Variants in C19orf18 observed in about 807,000 individuals in gnomAD.
C19orf18 encodes uncharacterized protein C19orf18.
C19orf18 carries 21 observed loss-of-function variants against 23.3 expected under a neutral mutation model. The observed-to-expected ratio is 0.90, with a 90% CI of 0.64 to 1.30. The LOEUF (loss-of-function observed/expected upper bound fraction) is 1.30, where lower values mean the gene tolerates loss of function less well. Ranked by LOEUF, C19orf18 falls within the 50% of genes most tolerant of loss-of-function variation. The pLI, the probability that C19orf18 is intolerant of heterozygous loss-of-function variation, is 0.00. For missense variants in C19orf18, 249 were observed against 259.6 expected, an observed-to-expected ratio of 0.96 and a Z score of 0.28; for synonymous variants, 96 against 95.2, an observed-to-expected ratio of 1.01 and a Z score of -0.05.
intron 2 of C19orf18, 141 bp downstream of exon 2, chr19:57,973,958 T>C: frequency 2.5e-6 from 2 of 789,516 alleles, no homozygotes; most frequent in South Asian, 3.7e-5. Flanking sequence ...TAAGATCTAA[T>C]TTCCAAGCAA....
chr19:57,961,322 AAG>A, intron 5 of C19orf18, 67 bp downstream of exon 5: 1 of 1,454,352 alleles, frequency 6.9e-7, no homozygotes, highest in Non-Finnish European at 9.3e-7. Context: ...CTGAGAAAGA[AAG>A]AAAAGAAACG....
chr19:57,969,829 AT>A (rs1292634794), intron 3 of C19orf18, among the ~76,000 whole-genome samples: 1 of 149,942 alleles, frequency 6.7e-6, no homozygotes, highest in Non-Finnish European at 1.5e-5. Context: ...CTGAGATCGC[AT>A]CATTACACTC....
chr19:57,972,716 T>G (rs2072953405), intron 2 of C19orf18, among the ~76,000 whole-genome samples: 1 of 152,212 alleles, frequency 6.6e-6, no homozygotes. Flanking sequence ...GCTGTTCTTT[T>G]TGCACCTGGT....
intron 4 of C19orf18, among the ~76,000 whole-genome samples, chr19:57,963,124 T>G (rs1284855995): frequency 6.6e-6 from 1 of 151,260 alleles, no homozygotes; most frequent in Non-Finnish European, 1.5e-5. Flanking sequence ...CCTCCCAGGT[T>G]CAAGTGATTC....
chr19:57,971,141 G>GT (rs1273787475), intron 3 of C19orf18, among the ~76,000 whole-genome samples: 1 of 152,218 alleles, frequency 6.6e-6, no homozygotes, highest in Non-Finnish European at 1.5e-5. Flanking sequence ...TATTCATCAC[G>GT]TTTTTTATTT....
In C19orf18 at chr19:57,961,545, C is replaced by T. The variant is rs754955338; in HGVS notation, c.378G>A (p.Leu126=). ...GMAISYMIYR[L]AQAEERQQLE... ...GCTGTTGTCTTTCCTCAGCCTGTGC[C>T]AGTCGACTGGAGAATGATATAAATG... The change falls in exon 5 of 6, where the codon CTG becomes CTA. Residue 126 remains leucine (L), a synonymous_variant. Transcript: ENST00000314391. 1.2e-6 allele frequency: 2 copies of T among 1,611,310 alleles called. No homozygotes were observed. Among genetic ancestry groups the T allele is most frequent in the Non-Finnish European group, 1.7e-6 (2 of 1,179,358 alleles).
At chr19:57,959,390 AACAG>A (rs2072849731) in intron 5 of C19orf18, among the ~76,000 whole-genome samples, 1 of 152,166 alleles carries the variant, frequency 6.6e-6, no homozygotes, top group African/African-American at 2.4e-5. Context: ...TGGGAGGCTG[AACAG>A]GGCGGATCAC....
chr19:57,966,713 G>C, intron 3 of C19orf18, 81 bp from the exon 4 acceptor site: 1 of 896,780 alleles, frequency 1.1e-6, no homozygotes, highest in Non-Finnish European at 1.7e-6. Flanking sequence ...TGTCCTTACA[G>C]AGGGGAATGG....
chr19:57,972,649 T>G, intron 2 of C19orf18, 145 bp from the exon 3 acceptor site: 2 of 851,562 alleles, frequency 2.3e-6, no homozygotes, highest in Non-Finnish European at 3.6e-6. Flanking sequence ...TGTTAATACA[T>G]TCCTCCCAAT....
intron 4 of C19orf18, among the ~76,000 whole-genome samples, 162 bp from the exon 5 acceptor site, chr19:57,961,713 T>C (rs1198022661): frequency 6.6e-6 from 1 of 152,052 alleles, no homozygotes; most frequent in African/African-American, 2.4e-5. Flanking sequence ...ACTGTCTACA[T>C]GGTCAGGCCA....
At chr19:57,973,258 A>C (rs753991434) in intron 2 of C19orf18, among the ~76,000 whole-genome samples, 1 of 151,502 alleles carries the variant, frequency 6.6e-6, no homozygotes, top group African/African-American at 2.4e-5. Flanking sequence ...ATTACATGCA[A>C]ATGTATCACA....
intron 3 of C19orf18, among the ~76,000 whole-genome samples, chr19:57,969,553 TTAAAAAAAAACAGAAAAA>T: frequency 1.3e-5 from 1 of 78,198 alleles, no homozygotes; most frequent in East Asian, 3.6e-4. Context: ...AGACTCTGTC[TTAAAAAAAAACAGAAAAA>T]AAAAAAAAAA....
intron 3 of C19orf18, among the ~76,000 whole-genome samples, chr19:57,970,507 T>C (rs1002443111): frequency 2.0e-5 from 3 of 152,194 alleles, no homozygotes; most frequent in Admixed American, 1.3e-4. Context: ...TTAATCATAT[T>C]TGTCGAACTT....
intron 2 of C19orf18, among the ~76,000 whole-genome samples, chr19:57,972,789 C>G (rs1367580262): frequency 6.6e-6 from 1 of 152,084 alleles, no homozygotes; most frequent in Non-Finnish European, 1.5e-5. Flanking sequence ...TCTCCTTTTG[C>G]AGTCATACAA....
Position 57,974,394 on chromosome 19 carries a change from C to A in C19orf18, c.39G>T (p.Leu13Phe). 1 of 1,613,406 alleles carries A rather than the reference C, an allele frequency of 6.2e-7. No homozygotes were observed. The highest frequency in any genetic ancestry group is 8.5e-7 in the Non-Finnish European group (1 of 1,179,630). Residue 13 changes from leucine (L) to phenylalanine (F), a missense_variant, in exon 1 of 6, where the codon TTG becomes TTT. Coordinates refer to ENST00000314391, the MANE Select transcript of C19orf18 (RefSeq NM_152474.5). ...AATGAAGTTGGCATTCCATTAAAAACAAAAACAAAATGAGGAAACCACTCT... is the reference window on the plus strand; with the variant it reads ...AATGAAGTTGGCATTCCATTAAAAAAAAAAACAAAATGAGGAAACCACTCT... ...KVQSGFLILF[L>F]FLMECQLHLC...
At chr19:57,967,361 G>T (rs954588450) in intron 3 of C19orf18, among the ~76,000 whole-genome samples, 1 of 152,228 alleles carries the variant, frequency 6.6e-6, no homozygotes, top group Non-Finnish European at 1.5e-5. Context: ...AACACTGGCA[G>T]CATGTTCGTG....
chr19:57,971,930 T>G (rs1188286757), intron 3 of C19orf18, among the ~76,000 whole-genome samples: 1 of 152,104 alleles, frequency 6.6e-6, no homozygotes, highest in Non-Finnish European at 1.5e-5. Flanking sequence ...TCAGCATATG[T>G]GATTAAATAA....
chr19:57,962,581 C>T (rs965050673), intron 4 of C19orf18, among the ~76,000 whole-genome samples: 5 of 152,098 alleles, frequency 3.3e-5, no homozygotes, highest in Admixed American at 1.3e-4. Context: ...AGGGGCCAGG[C>T]GCGGTGGCTC....
intron 4 of C19orf18, 143 bp from the exon 5 acceptor site, chr19:57,961,694 C>A: frequency 7.0e-6 from 6 of 854,026 alleles, no homozygotes; most frequent in Non-Finnish European, 1.8e-6. Context: ...TAATCATGGT[C>A]AGCTCTCAAC....
Sources: gnomAD v4.1 joint callset for allele counts (sites outside exome capture counted in the v4.1 genomes callset) on GRCh38, gnomAD v4.1.1 for gene constraint, MANE v1.5 for transcripts, NCBI Gene and HGNC (gene_info 2026-07-23, HGNC 2026-07-21) for gene names.